LARGE1: variants seen among roughly 807,000 people sequenced by gnomAD.
The protein encoded by LARGE1 is LARGE xylosyl- and glucuronyltransferase 1, also known as xylosyl- and glucuronyltransferase LARGE1.
Under a neutral mutation model 87.6 loss-of-function variants are expected in LARGE1, and 43 were observed. The ratio of observed to expected loss-of-function variants is 0.49; its 90% CI spans 0.38 to 0.63. The LOEUF is 0.63. Among genes scored for constraint, LARGE1 ranks in the 30% least tolerant of loss-of-function variants. The pLI is 0.00. For synonymous variants in LARGE1, 434 were observed against 394.6 expected (o/e 1.10, Z -1.18); for missense variants, 802 against 1,000.2 (o/e 0.80, Z 2.67).
intron 1 of LARGE1, among the ~76,000 whole-genome samples, chr22:33,779,714 A>C (rs1383906117): frequency 1.3e-5 from 2 of 152,102 alleles, no homozygotes; most frequent in Non-Finnish European, 2.9e-5. Flanking sequence ...TGAACCCGGG[A>C]GGCGGAGGTT....
the LARGE1 span, among the ~76,000 whole-genome samples, chr22:33,071,953 C>T: frequency 6.6e-6 from 1 of 152,168 alleles, no homozygotes; most frequent in Non-Finnish European, 1.5e-5. Flanking sequence ...GGAGCTACTA[C>T]CCGGCCGTTT....
In LARGE1 at chr22:33,786,908, C is replaced by A. The variant is rs185358788; in HGVS notation, c.-82-25350G>T. Among the ~76,000 whole-genome samples, 3 of 151,678 alleles carry A rather than the reference C, an allele frequency of 2.0e-5. No homozygotes were observed. In the East Asian group the frequency reaches 5.9e-4, roughly 30 times the overall value. On this transcript the variant is annotated intron_variant, in intron 1 of 14. Transcript: ENST00000397394. Reference sequence around the variant, plus strand: ...TGGTGGCGCCTGCCTGTAGACCCAGCTACTCAGGAGGCTGAGGCAGGAGAA... The same window carrying A: ...TGGTGGCGCCTGCCTGTAGACCCAGATACTCAGGAGGCTGAGGCAGGAGAA...
intron 2 of LARGE1, among the ~76,000 whole-genome samples, chr22:33,722,332 AGAGGGAGAGGAGAG>A (rs2083131564): frequency 2.2e-5 from 2 of 90,766 alleles, no homozygotes; most frequent in South Asian, 4.0e-4. Flanking sequence ...GAGAGGAGGG[AGAGGGAGAGGAGAG>A]GAGGGAGAGG....
intron 1 of LARGE1, among the ~76,000 whole-genome samples, chr22:33,783,901 T>C (rs2085513358): frequency 2.0e-5 from 3 of 152,190 alleles, no homozygotes; most frequent in South Asian, 4.1e-4. Flanking sequence ...AGAGTGGTCT[T>C]TCCTCAATGG....
intron 6 of LARGE1, among the ~76,000 whole-genome samples, chr22:33,437,522 G>A (rs2067313783): frequency 6.6e-6 from 1 of 151,896 alleles, no homozygotes; most frequent in African/African-American, 2.4e-5. Context: ...TGTGTTTTGT[G>A]CTTATTCAAA....
At chr22:33,267,420 T>C (rs957123210) in intron 11 of LARGE1, among the ~76,000 whole-genome samples, 2 of 151,726 alleles carry the variant, frequency 1.3e-5, no homozygotes, top group Non-Finnish European at 2.9e-5. Flanking sequence ...AGGACAGGAT[T>C]ACATCAAAGT....
chr22:33,724,229 AC>A (rs2083198347), intron 2 of LARGE1: 1 of 152,502 alleles, frequency 6.6e-6, no homozygotes, highest in Admixed American at 6.5e-5. Flanking sequence ...AGAGTGGAAG[AC>A]AACCACAGGT....
intron 6 of LARGE1, among the ~76,000 whole-genome samples, chr22:33,442,568 AG>A (rs1159510993): frequency 6.6e-6 from 1 of 152,312 alleles, no homozygotes; most frequent in East Asian, 1.9e-4. Flanking sequence ...GCAGAAGACT[AG>A]GTTTGAAGAC....
chr22:33,300,840 A>C (rs1934050248), intron 12 of LARGE1, among the ~76,000 whole-genome samples: 2 of 151,968 alleles, frequency 1.3e-5, no homozygotes, highest in South Asian at 4.1e-4. Flanking sequence ...GCGCCTGGCC[A>C]ATTTTTGAAA....
the LARGE1 span, among the ~76,000 whole-genome samples, chr22:33,135,802 C>T: frequency 2.2e-3 from 327 of 151,710 alleles, no homozygotes; most frequent in African/African-American, 7.6e-3. Context: ...ATTGCTCTAC[C>T]GCACTCCAGC....
At chr22:33,406,253 C>A (rs1490592541) in intron 7 of LARGE1, among the ~76,000 whole-genome samples, 2 of 152,150 alleles carry the variant, frequency 1.3e-5, no homozygotes, top group Non-Finnish European at 2.9e-5. Context: ...CCTGGCCACA[C>A]CCATTCCACA....
At chr22:33,274,710 G>A (rs776133553) in intron 14 of LARGE1, 86 bp from the exon 15 acceptor site, 1 of 1,173,352 alleles carries the variant, frequency 8.5e-7, no homozygotes, top group Non-Finnish European at 1.3e-6. Context: ...TGAATGGCTA[G>A]TGAATGAATG....
intron 11 of LARGE1, among the ~76,000 whole-genome samples, chr22:33,266,206 C>T (rs1927924399): frequency 7.2e-6 from 1 of 139,398 alleles, no homozygotes; most frequent in Admixed American, 7.1e-5. Flanking sequence ...GGGCCTAGGT[C>T]TGATTTTCAG....
At chr22:33,594,358 CA>C (rs60241836) in intron 5 of LARGE1, among the ~76,000 whole-genome samples, 1 of 151,922 alleles carries the variant, frequency 6.6e-6, no homozygotes, top group African/African-American at 2.4e-5. Flanking sequence ...GCTAACATGC[CA>C]AAAAAAGAAC....
Position 33,884,923 on chromosome 22 carries a change from A to G in LARGE1, c.-83+35072T>C, listed in dbSNP as rs77518095. ...GAGCCCATGATGGCACCAACAGCAC[A>G]TGTATTTGTGAGGCTTTCCATGGGG... is the stretch of plus-strand genomic sequence containing the variant. On this transcript the variant is annotated intron_variant, in intron 1 of 14. Transcript: ENST00000397394. Among the ~76,000 whole-genome samples, 956 of 152,310 alleles carry G rather than the reference A, an allele frequency of 6.3e-3. 8 individuals carry two copies. Among genetic ancestry groups the G allele is most frequent in the African/African-American group, 0.021 (888 of 41,574 alleles).
At chr22:33,605,126 C>T (rs2079217838) in intron 4 of LARGE1, among the ~76,000 whole-genome samples, 1 of 151,928 alleles carries the variant, frequency 6.6e-6, no homozygotes, top group African/African-American at 2.4e-5. Flanking sequence ...TTTTGTTCAT[C>T]TGAAATAGAC....
At chr22:33,579,573 T>C (rs2078453275) in intron 5 of LARGE1, among the ~76,000 whole-genome samples, 1 of 152,170 alleles carries the variant, frequency 6.6e-6, no homozygotes. Flanking sequence ...AAAGACCTGC[T>C]GCAGCCCCAG....
chr22:33,508,554 T>C (rs2070875644), intron 6 of LARGE1, among the ~76,000 whole-genome samples: 1 of 152,230 alleles, frequency 6.6e-6, no homozygotes, highest in Admixed American at 6.5e-5. Context: ...TCTCACCAAA[T>C]GCAGAGAACT....
intron 6 of LARGE1, among the ~76,000 whole-genome samples, chr22:33,556,840 T>C (rs1163964289): frequency 2.0e-5 from 3 of 152,078 alleles, no homozygotes; most frequent in African/African-American, 4.8e-5. Context: ...ACCCTGTCTC[T>C]AGTAAAATAC....
Sources: allele counts gnomAD v4.1 joint callset (sites outside exome capture counted in the v4.1 genomes callset), GRCh38; gene constraint gnomAD v4.1.1; transcripts MANE v1.5; gene names NCBI Gene and HGNC (gene_info 2026-07-23, HGNC 2026-07-21).